Variants in BACH2 observed in about 807,000 individuals in gnomAD.
BACH2 encodes the protein BACH transcriptional regulator 2.
BACH2 carries 5 observed loss-of-function variants against 61.8 expected under a neutral mutation model. That is an observed-to-expected ratio of 0.08 (90% confidence interval 0.04 to 0.17). The LOEUF is 0.17. BACH2 is among the 10% of genes least tolerant of loss of function. BACH2 has a pLI of 1.00. For synonymous variants in BACH2, 446 were observed against 440.1 expected (o/e 1.01, Z -0.17); for missense variants, 824 against 1,091.1 (o/e 0.76, Z 3.45).
Position 89,951,919 on chromosome 6 carries a change from A to C in BACH2, c.244-57T>G. The C allele has an allele frequency of 1.3e-6, 2 of 1,562,388 alleles. No homozygotes were observed. The highest frequency in any genetic ancestry group is 1.7e-6 in the Non-Finnish European group (2 of 1,148,518). On this transcript the variant is annotated intron_variant, in intron 6 of 8. Transcript: ENST00000257749. The surrounding 1 kb of genome is among the most constrained non-coding windows in gnomAD (Gnocchi z 6.4). ...ACCATCAGCACTGCTATTGTCCCGAATCCCTCAACTGAAGCAAGATAACCA... is the reference window on the plus strand; with the variant it reads ...ACCATCAGCACTGCTATTGTCCCGACTCCCTCAACTGAAGCAAGATAACCA...
intron 7 of BACH2, among the ~76,000 whole-genome samples, chr6:89,939,310 C>G (rs1224319477): frequency 1.3e-5 from 2 of 152,216 alleles, no homozygotes; most frequent in Non-Finnish European, 2.9e-5. Context: ...GTCAAACCTT[C>G]AGTTGAGTGT....
At position 89,931,339 on chromosome 6, in the gene BACH2, A is replaced by C. The variant is rs529705289; in HGVS notation, c.*1069T>G. On this transcript the variant is annotated 3_prime_UTR_variant, in exon 9 of 9. Transcript: ENST00000257749. ...GAAAGGTGGGGAGGAGGTGAAATAT[A>C]AAAATATTCAAGCAGATTATTGTCT... 6.5e-6 allele frequency: 1 copy of C among 152,818 alleles called. No homozygotes were observed. Among genetic ancestry groups the C allele is most frequent in the South Asian group, 2.1e-4 (1 of 4,816 alleles). 9.5% of individuals were successfully genotyped at this position (152,818 alleles called of 1,614,324 possible). A position where few individuals can be genotyped will look rare whatever the true frequency, so the allele number is the denominator to read the frequency against.
Position 89,951,328 on chromosome 6 carries a change from C to A in BACH2, c.778G>T (p.Asp260Tyr). ...TSGFASTFREDNSSNSLKPGL... is the reference protein window; with the variant it reads ...TSGFASTFREYNSSNSLKPGL... ...GGCTTGAGGCTGTTGCTAGAGTTAT[C>A]TTCCCGGAATGTGCTTGCAAAACCT... The change falls in exon 7 of 9, where the codon GAT becomes TAT. Residue 260 changes from aspartate to tyrosine, a missense_variant. Around this residue, in one of 8 missense-constraint regions of BACH2, gnomAD observed 226 missense variants for 228.5 expected, o/e 0.99. Transcript: ENST00000257749. The surrounding 1 kb of genome is among the most constrained non-coding windows in gnomAD (Gnocchi z 6.4). The A allele has an allele frequency of 6.2e-7, 1 of 1,614,224 alleles. No individual in the cohort carries two copies. Among genetic ancestry groups the A allele is most frequent in the Non-Finnish European group, 8.5e-7 (1 of 1,180,038 alleles).
chr6:90,079,388 A>C (rs1444363929), intron 5 of BACH2, among the ~76,000 whole-genome samples: 1 of 152,154 alleles, frequency 6.6e-6, no homozygotes, highest in Non-Finnish European at 1.5e-5. Flanking sequence ...TTCTAACAAT[A>C]AGCCAAGAAG....
intron 4 of BACH2, among the ~76,000 whole-genome samples, chr6:90,097,977 T>A (rs1018470532): frequency 3.3e-5 from 5 of 152,244 alleles, no homozygotes; most frequent in Non-Finnish European, 7.3e-5. Flanking sequence ...AGACACCATG[T>A]GAAAAGGCGG....
intron 5 of BACH2, among the ~76,000 whole-genome samples, chr6:90,076,785 T>C (rs947974945): frequency 2.6e-5 from 4 of 152,144 alleles, no homozygotes; most frequent in Non-Finnish European, 5.9e-5. Context: ...CAATTTCACC[T>C]TCCTCCGTGC....
chr6:90,031,361 AG>A (rs1458987963), intron 5 of BACH2, among the ~76,000 whole-genome samples: 3 of 152,190 alleles, frequency 2.0e-5, no homozygotes, highest in Non-Finnish European at 2.9e-5. Context: ...CAGGGCAACC[AG>A]GCAGGAGAAG....
intron 5 of BACH2, among the ~76,000 whole-genome samples, chr6:90,051,801 T>C (rs1179023148): frequency 1.3e-5 from 2 of 152,002 alleles, no homozygotes; most frequent in Admixed American, 6.6e-5. Flanking sequence ...GAACTTAAAA[T>C]AAAAAATAAA....
chr6:90,198,102 TTAAGTAACCACTCA>T (rs6149687), intron 4 of BACH2, among the ~76,000 whole-genome samples: 2,467 of 152,236 alleles, frequency 0.016, 44 homozygotes, highest in East Asian at 0.072. Context: ...GTGAGGTGCA[TTAAGTAACCACTCA>T]TGTGTGCTCA....
chr6:90,232,117 G>T (rs1231862404), intron 3 of BACH2, among the ~76,000 whole-genome samples: 1 of 152,180 alleles, frequency 6.6e-6, no homozygotes, highest in African/African-American at 2.4e-5. Flanking sequence ...ACTTATTACT[G>T]AAATCCAGAT....
intron 5 of BACH2, among the ~76,000 whole-genome samples, chr6:90,061,308 T>G (rs766496173): frequency 6.6e-6 from 1 of 152,118 alleles, no homozygotes; most frequent in Non-Finnish European, 1.5e-5. Flanking sequence ...TTTGATAGTT[T>G]GGATGTGGAA....
At chr6:89,933,939 G>T (rs1413873119) in intron 8 of BACH2, among the ~76,000 whole-genome samples, 1 of 151,914 alleles carries the variant, frequency 6.6e-6, no homozygotes, top group Non-Finnish European at 1.5e-5. Context: ...TGAGCGAGAT[G>T]GTGCCACAGC....
intron 6 of BACH2, among the ~76,000 whole-genome samples, chr6:89,958,518 C>T (rs570148942): frequency 1.3e-5 from 2 of 152,324 alleles, no homozygotes; most frequent in South Asian, 2.1e-4. Context: ...CAGGACCTGG[C>T]ATTAAGTAAC....
chr6:90,045,901 A>G (rs1384769142), intron 5 of BACH2, among the ~76,000 whole-genome samples: 10 of 152,202 alleles, frequency 6.6e-5, no homozygotes. Context: ...GCCAGCTTCC[A>G]TGGACTTTTA....
chr6:90,146,350 ACT>A (rs1562473007), intron 4 of BACH2, among the ~76,000 whole-genome samples: 1 of 151,974 alleles, frequency 6.6e-6, no homozygotes, highest in South Asian at 2.1e-4. Flanking sequence ...TTTATTTAGC[ACT>A]CTCTCTCTTG....
intron 1 of BACH2, among the ~76,000 whole-genome samples, chr6:90,295,965 A>G (rs1772352553): frequency 6.6e-6 from 1 of 152,000 alleles, no homozygotes; most frequent in African/African-American, 2.4e-5. Context: ...CTCGCGGAGC[A>G]GCCCGGGATG....
In BACH2 at chr6:89,969,737, C is replaced by T. The variant is rs1017014806; in HGVS notation, c.244-17875G>A. On this transcript the variant is annotated intron_variant, in intron 6 of 8. Coordinates refer to ENST00000257749, the MANE Select transcript of BACH2 (RefSeq NM_021813.4). ...GGGCTCATAAAAGGGAATGACATGA[C>T]AGGAAGAGAAACGATCTGTTGGGAA... Among the ~76,000 whole-genome samples the T allele has an allele frequency of 3.3e-5, 5 of 152,266 alleles. No homozygotes were observed. In the East Asian group the frequency reaches 9.6e-4, roughly 29 times the overall value.
intron 5 of BACH2, among the ~76,000 whole-genome samples, chr6:90,010,133 T>C (rs1265184615): frequency 2.0e-5 from 3 of 152,266 alleles, no homozygotes; most frequent in Non-Finnish European, 4.4e-5. Context: ...TACATATTTA[T>C]AGTGAGCAAT....
At chr6:90,283,505 A>T (rs1048723002) in intron 1 of BACH2, among the ~76,000 whole-genome samples, 14 of 152,004 alleles carry the variant, frequency 9.2e-5, no homozygotes, top group East Asian at 2.0e-4. Flanking sequence ...CCTCCCGAGC[A>T]GCTGGGACTA....
Sources: allele counts gnomAD v4.1 joint callset (sites outside exome capture counted in the v4.1 genomes callset), GRCh38; gene constraint gnomAD v4.1.1; regional missense constraint gnomAD v4.1.1; non-coding constraint Gnocchi (gnomAD v3.1); transcripts MANE v1.5; gene names NCBI Gene and HGNC (gene_info 2026-07-23, HGNC 2026-07-21).